The following ARHGEF28 variants were observed in gnomAD, a reference collection of about 807,000 sequenced individuals.
ARHGEF28 encodes 190 kDa guanine nucleotide exchange factor.
A neutral mutation model predicts 206.6 loss-of-function variants in ARHGEF28; 152 were observed. That is an observed-to-expected ratio of 0.74 (90% CI 0.64 to 0.84). The LOEUF (loss-of-function observed/expected upper bound fraction) is 0.84. Ranked by LOEUF, ARHGEF28 falls within the 40% of genes least tolerant of loss-of-function variation. The pLI is 0.00. For synonymous variants in ARHGEF28, 763 were observed against 776.4 expected (o/e 0.98, Z 0.29); for missense variants, 2,028 against 2,073.2 (o/e 0.98, Z 0.42).
rs1491128369 is a variant in ARHGEF28, at chr5:73,762,474, AAC to A, written c.475+9274_475+9275del. Among the ~76,000 whole-genome samples the A allele has an allele frequency of 3.4e-3, 510 of 149,468 alleles. 4 individuals are homozygous for A. The highest frequency in any genetic ancestry group is 9.6e-3 in the African/African-American group (382 of 39,900). ...CCCTCTCAAAAAAAAAAAAAAAAAA[AAC>A]AAAACAACAACAACAAAATCTATTT... On this transcript the variant is annotated intron_variant, in intron 4 of 35. Transcript: ENST00000513042.
chr5:73,681,774 C>G (rs1737172560), intron 1 of ARHGEF28, among the ~76,000 whole-genome samples: 1 of 151,928 alleles, frequency 6.6e-6, no homozygotes, highest in Non-Finnish European at 1.5e-5. Flanking sequence ...AAAATCATGC[C>G]ACTGCGCTCT....
At chr5:73,857,826 G>A in intron 15 of ARHGEF28, 47 bp downstream of exon 15, 1 of 1,566,018 alleles carries the variant, frequency 6.4e-7, no homozygotes, top group Non-Finnish European at 8.7e-7. Flanking sequence ...AGACATTTTA[G>A]TTTCTCAGCA....
chr5:73,683,975 G>A (rs1427937018), intron 1 of ARHGEF28, among the ~76,000 whole-genome samples: 2 of 152,078 alleles, frequency 1.3e-5, no homozygotes, highest in African/African-American at 4.8e-5. Context: ...AAATAATAAA[G>A]GTGGTGGGAT....
At chr5:73,764,606 G>C (rs1752795582) in intron 4 of ARHGEF28, among the ~76,000 whole-genome samples, 1 of 152,198 alleles carries the variant, frequency 6.6e-6, no homozygotes, top group African/African-American at 2.4e-5. Context: ...TGTCTCGACT[G>C]TGCTGAAGCA....
intron 2 of ARHGEF28, among the ~76,000 whole-genome samples, chr5:73,747,154 G>A (rs914215935): frequency 1.3e-5 from 2 of 152,144 alleles, no homozygotes; most frequent in Non-Finnish European, 2.9e-5. Flanking sequence ...TTTCTATGTA[G>A]AAGCAGAGTG....
intron 22 of ARHGEF28, among the ~76,000 whole-genome samples, chr5:73,880,849 C>T (rs2931411): frequency 0.59 from 90,174 of 151,598 alleles, 27,476 homozygotes; most frequent in African/African-American, 0.7. Context: ...GGCAGATCGC[C>T]TGAGCCTGGG....
intron 9 of ARHGEF28, among the ~76,000 whole-genome samples, chr5:73,819,404 C>T (rs1756432263): frequency 6.6e-6 from 1 of 152,172 alleles, no homozygotes; most frequent in African/African-American, 2.4e-5. Flanking sequence ...AGGCTGATCA[C>T]AGCAATCCTC....
intron 1 of ARHGEF28, among the ~76,000 whole-genome samples, chr5:73,635,549 T>A (rs760145185): frequency 3.9e-5 from 6 of 152,214 alleles, no homozygotes; most frequent in Middle Eastern, 3.2e-3. Context: ...AGTGATTTCA[T>A]TGGCTATTTA....
chr5:73,861,234 T>TAA (rs1759381922), intron 16 of ARHGEF28, among the ~76,000 whole-genome samples: 1 of 152,054 alleles, frequency 6.6e-6, no homozygotes, highest in Non-Finnish European at 1.5e-5. Flanking sequence ...AAGGGAAACT[T>TAA]TTGTAGTAAA....
intron 2 of ARHGEF28, among the ~76,000 whole-genome samples, chr5:73,701,002 T>C (rs1389953528): frequency 1.3e-5 from 2 of 152,208 alleles, no homozygotes; most frequent in African/African-American, 2.4e-5. Flanking sequence ...GTTTTTATTT[T>C]GAATTGTGAC....
chr5:73,665,192 A>C (rs1367250936), intron 1 of ARHGEF28, among the ~76,000 whole-genome samples: 1 of 152,140 alleles, frequency 6.6e-6, no homozygotes, highest in Non-Finnish European at 1.5e-5. Context: ...TTAAAAAAAC[A>C]ATTTGCCTCA....
At chr5:73,710,856 C>T (rs1404304417) in intron 2 of ARHGEF28, among the ~76,000 whole-genome samples, 1 of 152,078 alleles carries the variant, frequency 6.6e-6, no homozygotes, top group South Asian at 2.1e-4. Context: ...GTGTGTACCA[C>T]CCATGCCTGG....
At chr5:73,782,575 C>T (rs1753912396) in intron 7 of ARHGEF28, among the ~76,000 whole-genome samples, 1 of 152,336 alleles carries the variant, frequency 6.6e-6, no homozygotes, top group East Asian at 1.9e-4. Context: ...AGCTGAGCCT[C>T]CTCCTCAGAC....
rs557610785 is a variant in ARHGEF28, at chr5:73,703,715, C to T, written c.33+18831C>T. Among the ~76,000 whole-genome samples the T allele has an allele frequency of 4.6e-5, 7 of 151,824 alleles. No homozygotes were observed. In the East Asian group the frequency reaches 7.7e-4, roughly 17 times the overall value. On this transcript the variant is annotated intron_variant, in intron 2 of 35. Transcript: ENST00000513042. Reference sequence around the variant, plus strand: ...TCTTCGTATAGAAGTATAAACTCCACTCTTTTTTACAAGTCTTGGTTGGTA... The same window carrying T: ...TCTTCGTATAGAAGTATAAACTCCATTCTTTTTTACAAGTCTTGGTTGGTA...
chr5:73,885,813 T>C, intron 24 of ARHGEF28, 37 bp from the exon 25 acceptor site: 1 of 1,573,686 alleles, frequency 6.4e-7, no homozygotes, highest in Non-Finnish European at 8.6e-7. Context: ...GTTTATTGTA[T>C]AGTATTTTTG....
chr5:73,704,132 G>T (rs2112293276), intron 2 of ARHGEF28, among the ~76,000 whole-genome samples: 1 of 152,206 alleles, frequency 6.6e-6, no homozygotes, highest in South Asian at 2.1e-4. Context: ...AAGACAAGTT[G>T]CTGGGAGGTC....
intron 14 of ARHGEF28, among the ~76,000 whole-genome samples, chr5:73,854,094 T>C (rs1040095303): frequency 6.6e-6 from 1 of 152,134 alleles, no homozygotes; most frequent in Non-Finnish European, 1.5e-5. Context: ...AGCATCTTAC[T>C]CTCTCAGTCA....
chr5:73,675,689 C>T (rs1202798458), intron 1 of ARHGEF28, among the ~76,000 whole-genome samples: 17 of 138,290 alleles, frequency 1.2e-4, no homozygotes, highest in Non-Finnish European at 1.5e-4. Context: ...GCCAAGATCG[C>T]ACCACTGCAC....
intron 4 of ARHGEF28, among the ~76,000 whole-genome samples, chr5:73,764,895 T>C (rs6877230): frequency 0.068 from 10,379 of 152,254 alleles, 1,132 homozygotes; most frequent in African/African-American, 0.23. Flanking sequence ...GGCACAACCC[T>C]TTTCTCATTC....
Sources: gnomAD v4.1 joint callset for allele counts (sites outside exome capture counted in the v4.1 genomes callset) on GRCh38, gnomAD v4.1.1 for gene constraint, MANE v1.5 for transcripts, NCBI Gene and HGNC (gene_info 2026-07-23, HGNC 2026-07-21) for gene names.